ANXA8: variants seen among roughly 807,000 people sequenced by gnomAD.
ANXA8 encodes annexin A8.
ANXA8 carries 9 observed loss-of-function variants against 26.8 expected under a neutral mutation model. That is an observed-to-expected ratio of 0.34 (90% CI 0.20 to 0.59). The LOEUF (loss-of-function observed/expected upper bound fraction) is 0.59, where lower values mean the gene tolerates loss of function less well. Ranked by LOEUF, ANXA8 falls within the 20% of genes least tolerant of loss-of-function variation. The pLI is 0.84. For synonymous variants in ANXA8, 39 were observed against 94.8 expected (o/e 0.41, Z 3.42); for missense variants, 83 against 238.5 (o/e 0.35, Z 4.29).
At chr10:47,487,773 T>TG (rs1840072955), upstream of ANXA8, among the ~76,000 whole-genome samples, 1 of 141,130 alleles carries the variant, frequency 7.1e-6, no homozygotes, top group African/African-American at 2.6e-5. Context: ...TGGTTTATAG[T>TG]GTTTTTTTTT....
the ANXA8 span, among the ~76,000 whole-genome samples, chr10:47,572,578 G>C: frequency 6.6e-6 from 1 of 150,874 alleles, no homozygotes; most frequent in African/African-American, 2.5e-5. Context: ...GTAGCCAGGC[G>C]TGGTGGCGGG....
the ANXA8 span, among the ~76,000 whole-genome samples, chr10:47,645,673 C>G: frequency 1.3e-5 from 2 of 151,512 alleles, no homozygotes; most frequent in African/African-American, 4.9e-5. Context: ...AAGGGTTGCC[C>G]ACATGGCTGA....
the ANXA8 span, among the ~76,000 whole-genome samples, chr10:47,670,562 TG>T: frequency 1.3e-5 from 2 of 151,990 alleles, no homozygotes; most frequent in East Asian, 3.8e-4. Flanking sequence ...GTCATTCTAG[TG>T]GGTGTAAAGT....
upstream of ANXA8, among the ~76,000 whole-genome samples, chr10:47,485,826 G>T (rs1364978659): frequency 6.6e-6 from 1 of 150,508 alleles, no homozygotes; most frequent in Admixed American, 6.6e-5. Flanking sequence ...TAAATATTCT[G>T]GGCCAGGTGC....
chr10:47,676,237 GAA>G, the ANXA8 span, among the ~76,000 whole-genome samples: 1 of 151,860 alleles, frequency 6.6e-6, no homozygotes, highest in East Asian at 1.9e-4. Context: ...CAGAAGGAGA[GAA>G]GAGAACGTGG....
the ANXA8 span, among the ~76,000 whole-genome samples, chr10:47,555,489 A>C: frequency 6.6e-6 from 1 of 151,854 alleles, no homozygotes; most frequent in Non-Finnish European, 1.5e-5. Context: ...CCCTAGGTAC[A>C]CTTTTCCTGT....
chr10:47,722,701 CTT>C, the ANXA8 span, among the ~76,000 whole-genome samples: 1 of 141,652 alleles, frequency 7.1e-6, no homozygotes, highest in African/African-American at 2.6e-5. Context: ...GGAAGCCAGC[CTT>C]TTTGTGACCT....
the ANXA8 span, among the ~76,000 whole-genome samples, chr10:47,733,265 T>TTCTCTTTCTTTCTC: frequency 1.2e-4 from 13 of 112,338 alleles, no homozygotes; most frequent in South Asian, 2.7e-4. Flanking sequence ...CTTTCTTTCT[T>TTCTCTTTCTTTCTC]TCTTTCTTTC....
chr10:47,606,345 C>T, the ANXA8 span, among the ~76,000 whole-genome samples: 1 of 149,234 alleles, frequency 6.7e-6, no homozygotes, highest in Admixed American at 6.6e-5. Context: ...GTTATAACTG[C>T]TTGCAGTTTT....
chr10:47,647,682 G>A, the ANXA8 span, among the ~76,000 whole-genome samples: 12 of 148,784 alleles, frequency 8.1e-5, no homozygotes, highest in African/African-American at 3.1e-4. Context: ...CAACAAAAAA[G>A]CATATAAAGT....
At chr10:47,714,263 T>C in the ANXA8 span, among the ~76,000 whole-genome samples, 1 of 137,438 alleles carries the variant, frequency 7.3e-6, no homozygotes, top group Admixed American at 7.4e-5. Flanking sequence ...TAACTTGGAA[T>C]ATATGCTTTA....
chr10:47,755,465 C>T, the ANXA8 span, among the ~76,000 whole-genome samples: 5 of 151,674 alleles, frequency 3.3e-5, no homozygotes, highest in East Asian at 9.7e-4. Flanking sequence ...CTGTGTTAGC[C>T]AGGATGGTCT....
At chr10:47,724,668 A>T in the ANXA8 span, among the ~76,000 whole-genome samples, 1 of 141,070 alleles carries the variant, frequency 7.1e-6, no homozygotes, top group Non-Finnish European at 1.6e-5. Context: ...TTTCTAAAAA[A>T]CATTTTTACT....
the ANXA8 span, among the ~76,000 whole-genome samples, chr10:47,956,928 G>T: frequency 1.3e-5 from 2 of 150,244 alleles, no homozygotes; most frequent in African/African-American, 5.0e-5. Context: ...CCAGATACAG[G>T]TATAGTCTCT....
chr10:47,762,986 G>C, the ANXA8 span: 1 of 1,260,972 alleles, frequency 7.9e-7, no homozygotes, highest in Non-Finnish European at 1.0e-6. Context: ...GCAGGGTGCG[G>C]TGAGAGTACC....
intron 11 of ANXA8, among the ~76,000 whole-genome samples, chr10:47,470,105 T>C (rs1462123551): frequency 4.0e-5 from 6 of 151,890 alleles, no homozygotes; most frequent in African/African-American, 1.5e-4. Flanking sequence ...ATTAATTTTG[T>C]TTACTTTTTC....
At chr10:47,743,317 T>TATATATAC in the ANXA8 span, among the ~76,000 whole-genome samples, 2,580 of 40,444 alleles carry the variant, frequency 0.064, 337 homozygotes, top group East Asian at 0.31. Flanking sequence ...TATATACACA[T>TATATATAC]ATATATATAT....
chr10:47,535,150 T>C, the ANXA8 span, among the ~76,000 whole-genome samples: 7 of 131,248 alleles, frequency 5.3e-5, no homozygotes, highest in Non-Finnish European at 1.1e-4. Context: ...ACTTTTGTAT[T>C]TTTAGTAGAG....
chr10:47,733,224 T>TC, the ANXA8 span, among the ~76,000 whole-genome samples: 66 of 72,418 alleles, frequency 9.1e-4, 2 homozygotes, highest in African/African-American at 2.2e-3. Context: ...TTTCTTTCTC[T>TC]TTCTTTCTCT....
Sources: allele counts gnomAD v4.1 joint callset (sites outside exome capture counted in the v4.1 genomes callset), GRCh38; gene constraint gnomAD v4.1.1; transcripts MANE v1.5; gene names NCBI Gene and HGNC (gene_info 2026-07-23, HGNC 2026-07-21).